KAZN: variants seen among roughly 807,000 people sequenced by gnomAD.
KAZN encodes the protein kazrin, periplakin interacting protein, also known as kazrin.
Under a neutral mutation model 87.4 loss-of-function variants are expected in KAZN, and 40 were observed. That is an observed-to-expected ratio of 0.46 (90% CI 0.36 to 0.60). The LOEUF (loss-of-function observed/expected upper bound fraction) is 0.60. Ranked by LOEUF, KAZN falls within the 20% of genes least tolerant of loss-of-function variation. The pLI, the probability that KAZN is intolerant of heterozygous loss-of-function variation, is 0.00. For synonymous variants in KAZN, 466 were observed against 458.3 expected, an observed-to-expected ratio of 1.02 and a Z score of -0.22; for missense variants, 898 against 1,073.9, an observed-to-expected ratio of 0.84 and a Z score of 2.29.
rs917306871 is a variant in KAZN at position 13,960,686 on chromosome 1, A to G, written c.91+66930A>G. ...TTTGCTAAGGCCTCATTCGGGTCCT[A>G]CTTGGGCTAGTGTCTCCCAGGACAC... On this transcript the variant is annotated intron_variant, in intron 1 of 16. Coordinates refer to the KAZN transcript ENST00000636203. Among the ~76,000 whole-genome samples the G allele has an allele frequency of 9.2e-5, 14 of 152,178 alleles. No individual in the cohort carries two copies. In the East Asian group the frequency reaches 1.7e-3, roughly 19 times the overall value.
At chr1:14,886,473 CAGAG>C (rs374177096) in intron 1 of KAZN, among the ~76,000 whole-genome samples, 4 of 149,896 alleles carry the variant, frequency 2.7e-5, no homozygotes, top group African/African-American at 4.9e-5. Context: ...CAGAGAGAGA[CAGAG>C]AGAGAGAGAC....
At chr1:14,175,189 C>T (rs1015887778) in intron 1 of KAZN, among the ~76,000 whole-genome samples, 1 of 152,188 alleles carries the variant, frequency 6.6e-6, no homozygotes, top group Non-Finnish European at 1.5e-5. Context: ...CTGCAAGCTC[C>T]GCCTCCCGGG....
At chr1:14,257,408 C>T (rs1234376749) in intron 2 of KAZN, among the ~76,000 whole-genome samples, 1 of 146,348 alleles carries the variant, frequency 6.8e-6, no homozygotes, top group African/African-American at 2.6e-5. Context: ...AATTTTCTCC[C>T]ATGTTGTAGG....
intron 2 of KAZN, among the ~76,000 whole-genome samples, chr1:14,434,607 G>A (rs1187642139): frequency 1.3e-5 from 2 of 152,174 alleles, no homozygotes; most frequent in African/African-American, 4.8e-5. Flanking sequence ...AGAACACTGG[G>A]CCCTGGGGAG....
At chr1:15,059,570 G>T (rs964260790) in intron 5 of KAZN, among the ~76,000 whole-genome samples, 1 of 152,164 alleles carries the variant, frequency 6.6e-6, no homozygotes, top group Non-Finnish European at 1.5e-5. Flanking sequence ...GGTCTTCCAG[G>T]CGAGAGTCAG....
Position 15,070,201 on chromosome 1 carries a change from C to T in KAZN, c.1222+4448C>T, listed in dbSNP as rs190855659. On this transcript the variant is annotated intron_variant, in intron 8 of 14. Coordinates refer to ENST00000376030, the MANE Select transcript of KAZN (RefSeq NM_201628.3). The stretch of plus-strand genomic sequence containing the variant: ...TCCCAGGGGGGCATCTTCAGTGCAT[C>T]ATCTGGGCCTGGTTTCAAGGCCCCT... Among the ~76,000 whole-genome samples the T allele has an allele frequency of 3.4e-4, 52 of 152,354 alleles. 1 individual carries two copies. The highest frequency in any genetic ancestry group is 3.4e-3 in the Admixed American group (52 of 15,302).
intron 2 of KAZN, among the ~76,000 whole-genome samples, chr1:14,383,826 A>G (rs1661607460): frequency 6.6e-6 from 1 of 152,108 alleles, no homozygotes; most frequent in Admixed American, 6.5e-5. Flanking sequence ...TATGAACTTT[A>G]AAGTAGTTTT....
At chr1:14,941,438 C>A (rs1383738965) in intron 1 of KAZN, among the ~76,000 whole-genome samples, 2 of 151,514 alleles carry the variant, frequency 1.3e-5, no homozygotes, top group African/African-American at 2.4e-5. Flanking sequence ...AAAGATGGAA[C>A]AATACATTAA....
intron 1 of KAZN, among the ~76,000 whole-genome samples, chr1:14,909,566 A>G (rs947581331): frequency 5.3e-5 from 8 of 151,824 alleles, no homozygotes; most frequent in South Asian, 2.1e-4. Flanking sequence ...GCTGATCTAG[A>G]TTGCATCTTT....
chr1:14,960,986 C>A (rs1663791137), intron 2 of KAZN, 111 bp downstream of exon 2: 1 of 1,145,498 alleles, frequency 8.7e-7, no homozygotes, highest in Non-Finnish European at 1.2e-6. Context: ...TCTCCCAGCA[C>A]CCACCTCCAG....
intron 1 of KAZN, among the ~76,000 whole-genome samples, chr1:14,808,290 C>CTTTTTTTTTT (rs57548450): frequency 3.4e-5 from 3 of 88,094 alleles, no homozygotes; most frequent in Non-Finnish European, 4.4e-5. Context: ...AAAGAGGTTT[C>CTTTTTTTTTT]TTTTTTTTTT....
intron 1 of KAZN, among the ~76,000 whole-genome samples, chr1:14,647,500 TA>T (rs1478054236): frequency 6.6e-6 from 1 of 152,154 alleles, no homozygotes; most frequent in Admixed American, 6.5e-5. Flanking sequence ...TGGATCATCT[TA>T]ACATCAGGGG....
chr1:14,293,807 A>G (rs1333096411), intron 2 of KAZN, among the ~76,000 whole-genome samples: 2 of 152,160 alleles, frequency 1.3e-5, no homozygotes, highest in Non-Finnish European at 2.9e-5. Context: ...AGCATATAGC[A>G]TCTAACTCCT....
chr1:15,108,380 G>A (rs930320770), intron 13 of KAZN, among the ~76,000 whole-genome samples: 5 of 152,194 alleles, frequency 3.3e-5, no homozygotes, highest in South Asian at 2.1e-4. Context: ...GGGACCCAGC[G>A]GGGCCTTTGA....
intron 2 of KAZN, among the ~76,000 whole-genome samples, chr1:14,212,254 G>A (rs777928223): frequency 2.0e-5 from 3 of 152,192 alleles, no homozygotes; most frequent in South Asian, 2.1e-4. Flanking sequence ...TGATGGCTTC[G>A]TCTTTTCAGG....
chr1:14,489,611 G>A, intron 2 of KAZN, among the ~76,000 whole-genome samples: 1 of 151,908 alleles, frequency 6.6e-6, no homozygotes, highest in South Asian at 2.1e-4. Flanking sequence ...GCACATGCCT[G>A]TAATCCCAGC....
At chr1:14,393,233 A>AG (rs1347884729) in intron 2 of KAZN, among the ~76,000 whole-genome samples, 11 of 152,212 alleles carry the variant, frequency 7.2e-5, no homozygotes, top group Non-Finnish European at 1.2e-4. Flanking sequence ...TTTTTGCCCA[A>AG]GGAACCATCT....
intron 1 of KAZN, among the ~76,000 whole-genome samples, chr1:14,165,579 C>A (rs1315112152): frequency 6.6e-6 from 1 of 152,134 alleles, no homozygotes; most frequent in Non-Finnish European, 1.5e-5. Flanking sequence ...CCCATTGACA[C>A]CAGGTGTTGA....
chr1:15,110,391 T>TTTG (rs146482306), intron 13 of KAZN, among the ~76,000 whole-genome samples: 1 of 150,812 alleles, frequency 6.6e-6, no homozygotes, highest in Non-Finnish European at 1.5e-5. Context: ...ATTTGTGTGT[T>TTTG]TGTGTGTGTC....
Sources: gnomAD v4.1 joint callset for allele counts (sites outside exome capture counted in the v4.1 genomes callset) on GRCh38, gnomAD v4.1.1 for gene constraint, MANE v1.5 for transcripts, NCBI Gene and HGNC (gene_info 2026-07-23, HGNC 2026-07-21) for gene names.